STX7: variants seen among roughly 807,000 people sequenced by gnomAD.
STX7 encodes syntaxin-7.
A neutral mutation model predicts 39.6 loss-of-function variants in STX7; 34 were observed. The ratio of observed to expected loss-of-function variants is 0.86; its 90% CI spans 0.65 to 1.14. The LOEUF (loss-of-function observed/expected upper bound fraction) is 1.14, where lower values mean the gene tolerates loss of function less well. Ranked by LOEUF, STX7 falls within the 50% of genes most tolerant of loss-of-function variation. The pLI is 0.00. For missense variants in STX7, 284 were observed against 310.4 expected (o/e 0.92, Z 0.64); for synonymous variants, 119 against 99.1 (o/e 1.20, Z -1.19).
chr6:132,446,534 C>T lies in STX7; in HGVS notation c.*14224G>A, dbSNP rs1159772283. ...GAAGCTATCAACTATCGCATTGTCC[C>T]CAATGTCAGAATGTGCTGAATAAGA... On this transcript the variant is annotated 3_prime_UTR_variant, in exon 10 of 10. Transcript: ENST00000367941. 5 of 152,178 alleles carry T rather than the reference C, an allele frequency of 3.3e-5. No homozygotes were observed. Among genetic ancestry groups the T allele is most frequent in the African/African-American group, 7.2e-5 (3 of 41,508 alleles). 9.4% of individuals were successfully genotyped at this position (152,178 alleles called of 1,614,324 possible).
rs541431454 is a variant in STX7, at chr6:132,453,125, A to C, written c.*7633T>G. 14 of 152,270 alleles carry C rather than the reference A, an allele frequency of 9.2e-5. 1 individual carries two copies. Among genetic ancestry groups the C allele is most frequent in the African/African-American group, 3.1e-4 (13 of 41,586 alleles). 9.4% of individuals were successfully genotyped at this position (152,270 alleles called of 1,614,324 possible). Reference sequence around the variant, plus strand: ...CTCAACTGATTTTTGACAGAGGTGCAAAAACAATTCAATGGACAAAAAAGA... The same window carrying C: ...CTCAACTGATTTTTGACAGAGGTGCCAAAACAATTCAATGGACAAAAAAGA... On this transcript the variant is annotated 3_prime_UTR_variant, in exon 10 of 10. Coordinates refer to ENST00000367941, the MANE Select transcript of STX7 (RefSeq NM_003569.3).
chr6:132,448,245 ACTT>A lies in STX7; in HGVS notation c.*12510_*12512del, dbSNP rs1443124962. The A allele has an allele frequency of 1.3e-5, 2 of 152,118 alleles. No individual in the cohort carries two copies. The highest frequency in any genetic ancestry group is 4.8e-5 in the African/African-American group (2 of 41,444). 9.4% of individuals were successfully genotyped at this position (152,118 alleles called of 1,614,324 possible). A position where few individuals can be genotyped will look rare whatever the true frequency, so the allele number is the denominator to read the frequency against. Reference sequence around the variant, plus strand: ...CTCTTTTTTACTCCACAGAGTAAATACTTCTTAATATAGACAGTATTTATTTAC... The same window carrying A: ...CTCTTTTTTACTCCACAGAGTAAATACTTAATATAGACAGTATTTATTTAC... On this transcript the variant is annotated 3_prime_UTR_variant, in exon 10 of 10. Coordinates refer to ENST00000367941, the MANE Select transcript of STX7 (RefSeq NM_003569.3).
rs1775766481 is a variant in STX7 at position 132,508,656 on chromosome 6, C to A, written c.-59+4351G>T. Among the ~76,000 whole-genome samples, 3 of 152,076 alleles carry A rather than the reference C, an allele frequency of 2.0e-5. No individual in the cohort carries two copies. The South Asian group carries it at 6.2e-4, about 32-fold the overall frequency. Reference sequence around the variant, plus strand: ...TCCCGAGTAGCTGGGTCCACAGGCACCTGCCACCACATCCCACTAATTTTT... The same window carrying A: ...TCCCGAGTAGCTGGGTCCACAGGCAACTGCCACCACATCCCACTAATTTTT... On this transcript the variant is annotated intron_variant, in intron 1 of 9. Transcript: ENST00000367941.
At chr6:132,507,664 T>C (rs899636411) in intron 1 of STX7, among the ~76,000 whole-genome samples, 1 of 128,494 alleles carries the variant, frequency 7.8e-6, no homozygotes, top group African/African-American at 3.3e-5. Flanking sequence ...TGCCAAATAA[T>C]ATTCCTTCAT....
chr6:132,498,276 A>G (rs1477424691), intron 2 of STX7, among the ~76,000 whole-genome samples: 1 of 152,054 alleles, frequency 6.6e-6, no homozygotes, highest in African/African-American at 2.4e-5. Flanking sequence ...AGCATTTACA[A>G]TATTTAAATA....
At position 132,448,414 on chromosome 6, in the gene STX7, A is replaced by G. The variant is rs369477059; in HGVS notation, c.*12344T>C. 53 of 152,294 alleles carry G rather than the reference A, an allele frequency of 3.5e-4. No homozygotes were observed. The highest frequency in any genetic ancestry group is 1.2e-3 in the African/African-American group (50 of 41,554). The allele number at this position is 152,294 out of a possible 1,614,324, so 9.4% of individuals were successfully genotyped here. ...GTTTGTAAATTCTCATTTTGAGAAAAAAGTGTTTTTAATATACCCTTGATT... is the reference window on the plus strand; with the variant it reads ...GTTTGTAAATTCTCATTTTGAGAAAGAAGTGTTTTTAATATACCCTTGATT... On this transcript the variant is annotated 3_prime_UTR_variant, in exon 10 of 10. Coordinates refer to ENST00000367941, the MANE Select transcript of STX7 (RefSeq NM_003569.3).
chr6:132,468,338 A>T (rs1774615133), intron 8 of STX7, 65 bp downstream of exon 8: 1 of 1,258,206 alleles, frequency 7.9e-7, no homozygotes, highest in South Asian at 1.2e-5. Context: ...TCTGTGAGAA[A>T]GTTACAGCAG....
At chr6:132,464,795 C>T (rs759992204) in intron 8 of STX7, among the ~76,000 whole-genome samples, 1 of 152,148 alleles carries the variant, frequency 6.6e-6, no homozygotes, top group Admixed American at 6.5e-5. Context: ...TGGTCATCAA[C>T]ATACTTCTGT....
intron 2 of STX7, 109 bp downstream of exon 2, chr6:132,503,337 A>G: frequency 1.1e-6 from 1 of 876,866 alleles, no homozygotes. Context: ...CTGTTGTTAG[A>G]GGAATGCTCC....
chr6:132,470,622 CT>C lies in STX7; in HGVS notation c.391del (p.Ser131ValfsTer64). Reference sequence around the variant, plus strand: ...TTCTTTTGAGCTGTCCTCAGGAAAACTGCCCTGAATAATTTAGTAACAGGAT... The same window carrying C: ...TTCTTTTGAGCTGTCCTCAGGAAAACGCCCTGAATAATTTAGTAACAGGAT... ...RVRASSRVSG[S>X]FPEDSSKERN... On this transcript the variant is annotated frameshift_variant, in exon 6 of 10. Transcript: ENST00000367941. LOFTEE classifies it high-confidence loss of function. 1.2e-6 allele frequency: 2 copies of C among 1,608,878 alleles called. No individual in the cohort carries two copies. Among genetic ancestry groups the C allele is most frequent in the East Asian group, 4.5e-5 (2 of 44,636 alleles).
intron 3 of STX7, among the ~76,000 whole-genome samples, 194 bp from the exon 4 acceptor site, chr6:132,472,569 G>T: frequency 6.6e-6 from 1 of 152,118 alleles, no homozygotes; most frequent in East Asian, 1.9e-4. Flanking sequence ...TATATGTCAG[G>T]TTCTTCACTC....
chr6:132,474,074 C>T (rs138129873), intron 3 of STX7, among the ~76,000 whole-genome samples: 1 of 151,362 alleles, frequency 6.6e-6, no homozygotes, highest in East Asian at 1.9e-4. Flanking sequence ...ACAAAAAATA[C>T]AAAAATTAGC....
At chr6:132,500,311 C>A (rs1775527223) in intron 2 of STX7, among the ~76,000 whole-genome samples, 1 of 152,192 alleles carries the variant, frequency 6.6e-6, no homozygotes, top group Non-Finnish European at 1.5e-5. Flanking sequence ...ACCCGCCAGA[C>A]CCCTCTGGTT....
rs1174100153 is a variant in STX7, at chr6:132,450,946, C to A, written c.*9812G>T. On this transcript the variant is annotated 3_prime_UTR_variant, in exon 10 of 10. Transcript: ENST00000367941. ...GTGAGAAGACCTCAAATATAATAAACCCCCCAAATCTACAAGATACATCAT... is the reference window on the plus strand; with the variant it reads ...GTGAGAAGACCTCAAATATAATAAAACCCCCAAATCTACAAGATACATCAT... 2 of 151,502 alleles carry A rather than the reference C, an allele frequency of 1.3e-5. No individual in the cohort carries two copies. The highest frequency in any genetic ancestry group is 3.9e-4 in the East Asian group (2 of 5,180). The allele number at this position is 151,502 out of a possible 1,614,324, so 9.4% of individuals were successfully genotyped here. A position where few individuals can be genotyped will look rare whatever the true frequency, so the allele number is the denominator to read the frequency against.
rs1774207252 is a variant in STX7, at chr6:132,454,590, C to T, written c.*6168G>A. On this transcript the variant is annotated 3_prime_UTR_variant, in exon 10 of 10. Coordinates refer to ENST00000367941, the MANE Select transcript of STX7 (RefSeq NM_003569.3). ...AAAGAATGGGCTCTATTTCAAATGT[C>T]CATACCATTCCAAAGGAAAGTATTG... 1 of 152,038 alleles carries T rather than the reference C, an allele frequency of 6.6e-6. No homozygotes were observed. Among genetic ancestry groups the T allele is most frequent in the African/African-American group, 2.4e-5 (1 of 41,378 alleles). 9.4% of individuals were successfully genotyped at this position (152,038 alleles called of 1,614,324 possible). A position where few individuals can be genotyped will look rare whatever the true frequency, so the allele number is the denominator to read the frequency against.
intron 8 of STX7, among the ~76,000 whole-genome samples, chr6:132,466,107 T>C (rs1774558416): frequency 6.6e-6 from 1 of 152,214 alleles, no homozygotes; most frequent in African/African-American, 2.4e-5. Context: ...TCCCATTCTC[T>C]CTTGAGCCTA....
At chr6:132,472,242 C>A in intron 4 of STX7, 40 bp downstream of exon 4, 2 of 1,524,564 alleles carry the variant, frequency 1.3e-6, no homozygotes, top group African/African-American at 1.4e-5. Context: ...GGGTTTTTTT[C>A]ACATTCAATA....
At chr6:132,493,214 A>C (rs962334373) in intron 2 of STX7, among the ~76,000 whole-genome samples, 13 of 152,382 alleles carry the variant, frequency 8.5e-5, no homozygotes, top group Admixed American at 5.2e-4. Context: ...AAATGTACCA[A>C]GACTTGCAGA....
chr6:132,468,383 T>G lies in STX7; in HGVS notation c.610+20A>C, dbSNP rs200928105. ...ATGTAGCTTGCTCTCACCTCCAAAATCTAAGTCAGCAGGTCTTACCTATTA... is the reference window on the plus strand; with the variant it reads ...ATGTAGCTTGCTCTCACCTCCAAAAGCTAAGTCAGCAGGTCTTACCTATTA... On this transcript the variant is annotated intron_variant, in intron 8 of 9. Coordinates refer to ENST00000367941, the MANE Select transcript of STX7 (RefSeq NM_003569.3). 2.3e-5 allele frequency: 37 copies of G among 1,600,614 alleles called. No homozygotes were observed. The highest frequency in any genetic ancestry group is 5.1e-5 in the Admixed American group (3 of 58,776).
Sources: gnomAD v4.1 joint callset for allele counts (sites outside exome capture counted in the v4.1 genomes callset) on GRCh38, gnomAD v4.1.1 for gene constraint, MANE v1.5 for transcripts, NCBI Gene and HGNC (gene_info 2026-07-23, HGNC 2026-07-21) for gene names.